ZC3H14: variants seen among roughly 807,000 people sequenced by gnomAD.
ZC3H14 encodes the protein zinc finger CCCH domain-containing protein 14.
In ZC3H14, 31 loss-of-function variants were observed where a neutral mutation model predicts 92.4. The observed-to-expected ratio is 0.34, with a 90% CI of 0.25 to 0.45. ZC3H14 has a LOEUF of 0.45. Ranked by LOEUF, ZC3H14 falls within the 20% of genes least tolerant of loss-of-function variation. The pLI, the probability that ZC3H14 is intolerant of heterozygous loss-of-function variation, is 1.00. For missense variants in ZC3H14, 781 were observed against 897.3 expected, an observed-to-expected ratio of 0.87 and a Z score of 1.66; for synonymous variants, 321 against 300.9, an observed-to-expected ratio of 1.07 and a Z score of -0.69.
chr14:88,575,237 A>G (rs781774161), intron 7 of ZC3H14, among the ~76,000 whole-genome samples: 3 of 152,126 alleles, frequency 2.0e-5, no homozygotes, highest in East Asian at 1.9e-4. Context: ...CGCACCTGAC[A>G]TAAATATTTA....
At chr14:88,577,440 G>A (rs942239916) in intron 8 of ZC3H14, among the ~76,000 whole-genome samples, 7 of 147,988 alleles carry the variant, frequency 4.7e-5, no homozygotes, top group Non-Finnish European at 7.7e-5. Flanking sequence ...TGTATTCATG[G>A]TATGTGGTTG....
In ZC3H14 at chr14:88,572,822, G is replaced by C. The variant is rs1291353928; in HGVS notation, c.676G>C (p.Gly226Arg). Residue 226 changes from glycine (G) to arginine (R), a missense_variant, in exon 6 of 17, where the codon GGT becomes CGT. Gly to Arg is a moderately radical substitution (Grantham distance 125). Transcript: ENST00000251038. The part of the protein sequence containing the change: ...RPPASRNADS[G>R]VHLNRLQFQQ... ...ACCTGCAAGTAGAAATGCAGATAGTGGTGTTCATTTAAACAGGTTGCAATT... is the reference window on the plus strand; with the variant it reads ...ACCTGCAAGTAGAAATGCAGATAGTCGTGTTCATTTAAACAGGTTGCAATT... 6.2e-7 allele frequency: 1 copy of C among 1,614,020 alleles called. No homozygotes were observed. Among genetic ancestry groups the C allele is most frequent in the Non-Finnish European group, 8.5e-7 (1 of 1,180,040 alleles).
intron 9 of ZC3H14, among the ~76,000 whole-genome samples, chr14:88,584,149 C>T (rs1042347486): frequency 6.6e-6 from 1 of 152,134 alleles, no homozygotes; most frequent in African/African-American, 2.4e-5. Context: ...TATCTGGTTT[C>T]CCTGCCTTTG....
chr14:88,596,950 A>G, intron 10 of ZC3H14, 142 bp downstream of exon 10: 1 of 762,682 alleles, frequency 1.3e-6, no homozygotes, highest in Non-Finnish European at 2.2e-6. Context: ...TTTTAGGGCC[A>G]GGAGATAAGA....
chr14:88,575,199 A>G (rs1042826960), intron 7 of ZC3H14, among the ~76,000 whole-genome samples: 2 of 152,104 alleles, frequency 1.3e-5, no homozygotes, highest in African/African-American at 4.8e-5. Flanking sequence ...CAGCTTCCCA[A>G]AGTGTTGGGA....
rs1443877830 is a variant in ZC3H14, at chr14:88,614,995, C to CT, written c.*3247dup. The CT allele has an allele frequency of 1.3e-5, 2 of 152,154 alleles. No individual in the cohort carries two copies. The highest frequency in any genetic ancestry group is 2.9e-5 in the Non-Finnish European group (2 of 68,006). The allele number at this position is 152,154 out of a possible 1,614,324, so 9.4% of individuals were successfully genotyped here. A position where few individuals can be genotyped will look rare whatever the true frequency, so the allele number is the denominator to read the frequency against. The stretch of plus-strand genomic sequence containing the variant: ...ATTAGACTACATTAAATATGCAATT[C>CT]TTTCTTCCAGTTAAATACTGTTGCT... On this transcript the variant is annotated 3_prime_UTR_variant, in exon 17 of 17. Coordinates refer to ENST00000251038, the MANE Select transcript of ZC3H14 (RefSeq NM_024824.5).
intron 9 of ZC3H14, among the ~76,000 whole-genome samples, chr14:88,586,230 A>G (rs898256454): frequency 1.3e-5 from 2 of 152,186 alleles, no homozygotes; most frequent in East Asian, 1.9e-4. Flanking sequence ...TTTCCAGGCA[A>G]TGTTTTTTGA....
intron 8 of ZC3H14, among the ~76,000 whole-genome samples, chr14:88,577,528 T>G (rs755047645): frequency 1.2e-4 from 19 of 152,126 alleles, no homozygotes; most frequent in Non-Finnish European, 2.6e-4. Context: ...ATGAATGGTA[T>G]CTATGGATTG....
chr14:88,585,940 G>A (rs2082420055), intron 9 of ZC3H14, among the ~76,000 whole-genome samples: 1 of 152,140 alleles, frequency 6.6e-6, no homozygotes, highest in South Asian at 2.1e-4. Context: ...AGGCTGAGGC[G>A]GGTGGATCAC....
rs564643161 is a variant in ZC3H14 at position 88,575,918 on chromosome 14, A to G, written c.1101A>G (p.Thr367=). The G allele has an allele frequency of 3.7e-6, 6 of 1,612,586 alleles. No individual in the cohort carries two copies. The highest frequency in any genetic ancestry group is 1.1e-5 in the South Asian group (1 of 91,064). ...TATCTGAAGCTCAAGAATCCGTAAC[A>G]AAAACAACTAACTACTCTACAGGTA... The part of the protein sequence containing the change: ...KAISEAQESV[T]KTTNYSTVPQ... The change falls in exon 8 of 17, where the codon ACA becomes ACG. Residue 367 remains threonine (T), a synonymous_variant. Transcript: ENST00000251038.
intron 9 of ZC3H14, among the ~76,000 whole-genome samples, chr14:88,585,705 T>C (rs2082391339): frequency 6.6e-6 from 1 of 152,178 alleles, no homozygotes; most frequent in Admixed American, 6.5e-5. Context: ...TCTGTTCTTT[T>C]AGTCGTTACC....
chr14:88,600,870 C>T (rs1156633173), intron 10 of ZC3H14, among the ~76,000 whole-genome samples: 3 of 152,194 alleles, frequency 2.0e-5, no homozygotes, highest in Admixed American at 2.0e-4. Context: ...CACACCCTTC[C>T]AGCCATTCCA....
In ZC3H14 at chr14:88,615,115, T is replaced by G. The variant is rs1478486044; in HGVS notation, c.*3364T>G. On this transcript the variant is annotated 3_prime_UTR_variant, in exon 17 of 17. Coordinates refer to ENST00000251038, the MANE Select transcript of ZC3H14 (RefSeq NM_024824.5). ...TACAGTTATGTTTTAAATGTGCGAT[T>G]ACAGAGATGGCATCTGAACATAAAC... 6.6e-6 allele frequency: 1 copy of G among 152,210 alleles called. No individual in the cohort carries two copies. Among genetic ancestry groups the G allele is most frequent in the Non-Finnish European group, 1.5e-5 (1 of 68,034 alleles). The allele number at this position is 152,210 out of a possible 1,614,324, so 9.4% of individuals were successfully genotyped here. A position where few individuals can be genotyped will look rare whatever the true frequency, so the allele number is the denominator to read the frequency against.
chr14:88,604,964 G>A (rs1040546323), intron 12 of ZC3H14, among the ~76,000 whole-genome samples: 10 of 152,112 alleles, frequency 6.6e-5, no homozygotes, highest in African/African-American at 1.7e-4. Context: ...TTACAAAGTC[G>A]GTGTCAGCCA....
Position 88,617,283 on chromosome 14 carries a change from G to A in ZC3H14, c.*5532G>A, listed in dbSNP as rs2087805668. On this transcript the variant is annotated 3_prime_UTR_variant, in exon 17 of 17. Coordinates refer to ENST00000251038, the MANE Select transcript of ZC3H14 (RefSeq NM_024824.5). The stretch of plus-strand genomic sequence containing the variant: ...CTGCCTCAGCCTCCCGAGTAGCTGG[G>A]ATCACAGGCATGCGCTAACATGCCC... The A allele has an allele frequency of 6.3e-6, 1 of 158,026 alleles. No individual in the cohort carries two copies. Among genetic ancestry groups the A allele is most frequent in the Non-Finnish European group, 1.4e-5 (1 of 71,838 alleles). The allele number at this position is 158,026 out of a possible 1,614,324, so 9.8% of individuals were successfully genotyped here. A position where few individuals can be genotyped will look rare whatever the true frequency, so the allele number is the denominator to read the frequency against.
At position 88,610,944 on chromosome 14, in the gene ZC3H14, AACATT is replaced by A. The variant is rs748391566; in HGVS notation, c.2204+5_2204+9del. 30 of 1,613,272 alleles carry A rather than the reference AACATT, an allele frequency of 1.9e-5. No individual in the cohort carries two copies. Among genetic ancestry groups the A allele is most frequent in the Non-Finnish European group, 2.5e-5 (30 of 1,179,296 alleles). On this transcript the variant is annotated splice_donor_5th_base_variant and intron_variant, in intron 16 of 16. Coordinates refer to ENST00000251038, the MANE Select transcript of ZC3H14 (RefSeq NM_024824.5). ...AATGGATTCGACCTCAAACCAGGTA[AACATT>A]CAAATTCGTTTTTCTCATGTCAGTT...
At position 88,616,402 on chromosome 14, in the gene ZC3H14, G is replaced by A; in HGVS notation, c.*4651G>A. 1.4e-6 allele frequency: 1 copy of A among 696,614 alleles called. No homozygotes were observed. Among genetic ancestry groups the A allele is most frequent in the Non-Finnish European group, 2.4e-6 (1 of 414,606 alleles). The allele number at this position is 696,614 out of a possible 1,614,324, so 43.2% of individuals were successfully genotyped here. Reference sequence around the variant, plus strand: ...GCTTTTCAGCATGAGTAGTGGATCTGCAAAACCAGGCTGTGTGGGCAGTCA... The same window carrying A: ...GCTTTTCAGCATGAGTAGTGGATCTACAAAACCAGGCTGTGTGGGCAGTCA... On this transcript the variant is annotated 3_prime_UTR_variant, in exon 17 of 17. Coordinates refer to ENST00000251038, the MANE Select transcript of ZC3H14 (RefSeq NM_024824.5).
rs2086567290 is a variant in ZC3H14 at position 88,610,860 on chromosome 14, A to G, written c.2124A>G (p.Thr708=). ...PKHCRFNTQC[T]RPDCTFYHPT... ...ATTGTAGGTTTAACACTCAATGTAC[A>G]AGACCGGACTGCACATTCTACCATC... Residue 708 remains threonine (T), a synonymous_variant, in exon 16 of 17, where the codon ACA becomes ACG. Coordinates refer to ENST00000251038, the MANE Select transcript of ZC3H14 (RefSeq NM_024824.5). 2 of 1,614,160 alleles carry G rather than the reference A, an allele frequency of 1.2e-6. No individual in the cohort carries two copies. The highest frequency in any genetic ancestry group is 1.7e-6 in the Non-Finnish European group (2 of 1,180,018).
intron 12 of ZC3H14, among the ~76,000 whole-genome samples, chr14:88,605,953 G>T (rs1428815898): frequency 6.6e-6 from 1 of 152,210 alleles, no homozygotes; most frequent in Non-Finnish European, 1.5e-5. Flanking sequence ...TTTGCACAGA[G>T]TGTCTGGCTG....
Sources: gnomAD v4.1 joint callset for allele counts (sites outside exome capture counted in the v4.1 genomes callset) on GRCh38, gnomAD v4.1.1 for gene constraint, MANE v1.5 for transcripts, NCBI Gene and HGNC (gene_info 2026-07-23, HGNC 2026-07-21) for gene names.